The following MUSK variants were observed in gnomAD, a reference collection of about 807,000 sequenced individuals.
MUSK encodes muscle, skeletal receptor tyrosine-protein kinase.
Under a neutral mutation model 88.7 loss-of-function variants are expected in MUSK, and 55 were observed. The ratio of observed to expected loss-of-function variants is 0.62; its 90% CI spans 0.50 to 0.78. The LOEUF (loss-of-function observed/expected upper bound fraction) is 0.78, where lower values mean the gene tolerates loss of function less well. Ranked by LOEUF, MUSK falls within the 30% of genes least tolerant of loss-of-function variation. The pLI is 0.00. For synonymous variants in MUSK, 387 were observed against 391.9 expected, an observed-to-expected ratio of 0.99 and a Z score of 0.15; for missense variants, 1,015 against 1,074.3, an observed-to-expected ratio of 0.94 and a Z score of 0.77.
chr9:110,737,769 A>G (rs1162510635), intron 6 of MUSK, among the ~76,000 whole-genome samples: 1 of 152,024 alleles, frequency 6.6e-6, no homozygotes, highest in Non-Finnish European at 1.5e-5. Context: ...ATTGAAATGA[A>G]TTTCTTTCAA....
intron 5 of MUSK, among the ~76,000 whole-genome samples, chr9:110,704,620 A>G: frequency 6.6e-6 from 1 of 152,330 alleles, no homozygotes; most frequent in Admixed American, 6.5e-5. Flanking sequence ...TAAGTAAAGA[A>G]CAGTATATCT....
chr9:110,705,624 T>C (rs1587933133), intron 5 of MUSK, among the ~76,000 whole-genome samples: 1 of 152,210 alleles, frequency 6.6e-6, no homozygotes, highest in African/African-American at 2.4e-5. Context: ...TTTCCACACT[T>C]TGTTGGGTGT....
intron 7 of MUSK, among the ~76,000 whole-genome samples, chr9:110,758,792 G>T (rs190338834): frequency 6.6e-5 from 10 of 152,184 alleles, no homozygotes; most frequent in African/African-American, 2.2e-4. Context: ...AGCCAAATCA[G>T]AAACACAATC....
chr9:110,691,466 G>A (rs80276280), intron 3 of MUSK, among the ~76,000 whole-genome samples: 19 of 152,060 alleles, frequency 1.2e-4, no homozygotes, highest in East Asian at 7.7e-4. Context: ...ACCTTGATTC[G>A]TCTCTGTTCT....
intron 3 of MUSK, among the ~76,000 whole-genome samples, chr9:110,689,199 TA>T (rs1424501382): frequency 1.8e-5 from 2 of 110,164 alleles, no homozygotes; most frequent in Non-Finnish European, 3.5e-5. Context: ...ATCATATATA[TA>T]TTCATATTTT....
At chr9:110,770,806 A>G (rs1369559070) in intron 9 of MUSK, among the ~76,000 whole-genome samples, 1 of 151,798 alleles carries the variant, frequency 6.6e-6, no homozygotes, top group African/African-American at 2.4e-5. Context: ...TGTTGTTGCA[A>G]GAGTATTAAT....
intron 1 of MUSK, among the ~76,000 whole-genome samples, chr9:110,677,739 T>C (rs2076049897): frequency 6.6e-6 from 1 of 152,166 alleles, no homozygotes; most frequent in African/African-American, 2.4e-5. Context: ...CCTAGTTTTA[T>C]CAAGTTCAGT....
In MUSK at chr9:110,681,036, T is replaced by TTA. The variant is rs1554732342; in HGVS notation, c.80-1633_80-1632dup. 2.4e-4 allele frequency among the ~76,000 whole-genome samples: 8 copies of TTA among 33,834 alleles called. No homozygotes were observed. The East Asian group carries it at 3.0e-3, about 13-fold the overall frequency. 22.2% of individuals were successfully genotyped at this position (33,834 alleles called of 152,430 possible). On this transcript the variant is annotated intron_variant, in intron 1 of 14. Transcript: ENST00000374448. ...TATAATATATATTATATATTATATA[T>TTA]TATATAATATATATTATATATTATA...
chr9:110,687,121 T>C lies in MUSK; in HGVS notation c.211T>C (p.Phe71Leu). 6.2e-7 allele frequency: 1 copy of C among 1,612,874 alleles called. No individual in the cohort carries two copies. The highest frequency in any genetic ancestry group is 8.5e-7 in the Non-Finnish European group (1 of 1,179,280). ...WTRNKILIKL[F>L]DTRYSIRENG... Reference sequence around the variant, plus strand: ...ATTTTTTTCTGTGACCTGCAGACTCTTTGACACCCGGTACAGCATCCGGGA... The same window carrying C: ...ATTTTTTTCTGTGACCTGCAGACTCCTTGACACCCGGTACAGCATCCGGGA... The change falls in exon 3 of 15, where the codon TTT becomes CTT. Residue 71 changes from phenylalanine to leucine, a missense_variant. Transcript: ENST00000374448.
intron 3 of MUSK, among the ~76,000 whole-genome samples, chr9:110,691,878 CGCA>C (rs2076360678): frequency 6.6e-6 from 1 of 151,996 alleles, no homozygotes; most frequent in African/African-American, 2.4e-5. Context: ...TCATTTTGCT[CGCA>C]TTGTTGGATA....
rs767307021 is a variant in MUSK, at chr9:110,787,858, G to T, written c.1927+20G>T. On this transcript the variant is annotated intron_variant, in intron 14 of 14. Coordinates refer to ENST00000374448, the MANE Select transcript of MUSK (RefSeq NM_005592.4). ...TATTAGGTATGAAAATACAAGTGAG[G>T]ATATGTATTTCATCAGAAAACAGAG... 2 of 1,600,208 alleles carry T rather than the reference G, an allele frequency of 1.2e-6. No individual in the cohort carries two copies. The highest frequency in any genetic ancestry group is 1.1e-5 in the South Asian group (1 of 88,732).
At chr9:110,707,656 A>G (rs2076616183) in intron 5 of MUSK, among the ~76,000 whole-genome samples, 1 of 152,192 alleles carries the variant, frequency 6.6e-6, no homozygotes, top group African/African-American at 2.4e-5. Flanking sequence ...TCAGTCAGCA[A>G]TTGCTGGTGG....
At chr9:110,691,686 C>T (rs895925493) in intron 3 of MUSK, among the ~76,000 whole-genome samples, 1 of 152,118 alleles carries the variant, frequency 6.6e-6, no homozygotes, top group African/African-American at 2.4e-5. Context: ...ACCATACATA[C>T]GGGCACCACA....
chr9:110,767,832 A>C lies in MUSK; in HGVS notation c.933A>C (p.Lys311Asn), dbSNP rs1187628269. 6.2e-7 allele frequency: 1 copy of C among 1,614,038 alleles called. No individual in the cohort carries two copies. Among genetic ancestry groups the C allele is most frequent in the East Asian group, 2.2e-5 (1 of 44,880 alleles). The stretch of plus-strand genomic sequence containing the variant: ...TTTCTTCTTTCAGTAAACCACAGAA[A>C]GATAACAAAGGCTACTGCGCCCAGT... ...ISIAEWSKPQ[K>N]DNKGYCAQYR... Residue 311 changes from lysine (K) to asparagine (N), a missense_variant, in exon 9 of 15, where the codon AAA becomes AAC. Transcript: ENST00000374448.
intron 5 of MUSK, among the ~76,000 whole-genome samples, chr9:110,724,181 A>G (rs1186328779): frequency 6.6e-6 from 1 of 151,988 alleles, no homozygotes; most frequent in African/African-American, 2.4e-5. Flanking sequence ...TACATATACT[A>G]TTATTTAAGG....
chr9:110,785,125 T>C (rs926309992), intron 12 of MUSK, 109 bp downstream of exon 12: 15 of 964,158 alleles, frequency 1.6e-5, no homozygotes, highest in Admixed American at 2.2e-5. Flanking sequence ...TCTCTAAATA[T>C]ATCCGTAGCC....
chr9:110,762,094 A>G, intron 7 of MUSK, 108 bp from the exon 8 acceptor site: 1 of 1,078,702 alleles, frequency 9.3e-7, no homozygotes, highest in Non-Finnish European at 1.2e-6. Flanking sequence ...CTTAGAGATC[A>G]GTAGTATCAA....
At chr9:110,669,048 T>G in intron 1 of MUSK, 65 bp downstream of exon 1, 3 of 1,344,372 alleles carry the variant, frequency 2.2e-6, no homozygotes, top group Non-Finnish European at 3.2e-6. Flanking sequence ...GTATATGAGA[T>G]ATGACCAAGA....
intron 7 of MUSK, among the ~76,000 whole-genome samples, chr9:110,758,728 G>A (rs1027487304): frequency 6.6e-6 from 1 of 151,984 alleles, no homozygotes; most frequent in Non-Finnish European, 1.5e-5. Flanking sequence ...AAAGTTTCAG[G>A]GTACAAAATT....
Sources: gnomAD v4.1 joint callset for allele counts (sites outside exome capture counted in the v4.1 genomes callset) on GRCh38, gnomAD v4.1.1 for gene constraint, MANE v1.5 for transcripts, NCBI Gene and HGNC (gene_info 2026-07-23, HGNC 2026-07-21) for gene names.